Variants in PIK3AP1 observed in about 807,000 individuals in gnomAD.
PIK3AP1 encodes phosphoinositide-3-kinase adaptor protein 1, also known as phosphoinositide 3-kinase adapter protein 1.
In PIK3AP1, 21 loss-of-function variants were observed where a neutral mutation model predicts 88.1. That is an observed-to-expected ratio of 0.24 (90% CI 0.17 to 0.34). PIK3AP1 has a LOEUF of 0.34. Ranked by LOEUF, PIK3AP1 falls within the 10% of genes least tolerant of loss-of-function variation. The probability of loss-of-function intolerance (pLI) is 1.00; values close to 1 mark genes in which losing one functional copy is unlikely to be tolerated. For missense variants in PIK3AP1, 828 were observed against 1,035.7 expected, an observed-to-expected ratio of 0.80 and a Z score of 2.75; for synonymous variants, 398 against 400.0, an observed-to-expected ratio of 1.00 and a Z score of 0.06.
intron 8 of PIK3AP1, among the ~76,000 whole-genome samples, chr10:96,631,220 G>C (rs191198897): frequency 1.2e-4 from 19 of 152,142 alleles, no homozygotes; most frequent in Admixed American, 7.2e-4. Context: ...CCTTCTCCAG[G>C]GCATAGCAAC....
intron 7 of PIK3AP1, among the ~76,000 whole-genome samples, chr10:96,648,201 G>A (rs536386728): frequency 1.2e-4 from 19 of 152,328 alleles, no homozygotes; most frequent in Admixed American, 3.9e-4. Context: ...GCCTGAAGGC[G>A]GGTGAGGCAG....
chr10:96,606,949 A>G (rs1356207831), intron 14 of PIK3AP1, among the ~76,000 whole-genome samples: 1 of 152,238 alleles, frequency 6.6e-6, no homozygotes, highest in African/African-American at 2.4e-5. Context: ...AGAAAGAAAG[A>G]AAAAAGAAAC....
At chr10:96,635,596 A>G (rs1367770069) in intron 8 of PIK3AP1, among the ~76,000 whole-genome samples, 2 of 152,162 alleles carry the variant, frequency 1.3e-5, no homozygotes, top group Non-Finnish European at 2.9e-5. Context: ...CAGGCACTCA[A>G]TACTGGCCAA....
At chr10:96,604,391 T>G (rs1292854006) in intron 14 of PIK3AP1, among the ~76,000 whole-genome samples, 1 of 135,326 alleles carries the variant, frequency 7.4e-6, no homozygotes, top group African/African-American at 2.8e-5. Flanking sequence ...AGCAACAGGA[T>G]CTCACTCTGT....
chr10:96,620,916 G>A (rs1843071153), intron 11 of PIK3AP1: 1 of 224,646 alleles, frequency 4.5e-6, no homozygotes, highest in African/African-American at 2.3e-5. Context: ...TCTGCTTAGA[G>A]ACTCTGGTGT....
chr10:96,655,044 C>T (rs535973440), intron 3 of PIK3AP1, among the ~76,000 whole-genome samples: 2 of 152,252 alleles, frequency 1.3e-5, no homozygotes, highest in South Asian at 4.2e-4. Context: ...ATTTTTATGC[C>T]TAACTTTTTA....
rs767463653 is a variant in PIK3AP1, at chr10:96,616,699, G to A, written c.1954C>T (p.Arg652Trp). 20 of 1,614,008 alleles carry A rather than the reference G, an allele frequency of 1.2e-5. No homozygotes were observed. Among genetic ancestry groups the A allele is most frequent in the South Asian group, 3.3e-5 (3 of 91,072 alleles). ...SFRFQQENLKRLRDSITRRQR... is the reference protein window; with the variant it reads ...SFRFQQENLKWLRDSITRRQR... ...CTTCGGGTGATGCTGTCTCTTAGCCGTTTAAGATTTTCCTGGAAAAAAATT... is the reference window on the plus strand; with the variant it reads ...CTTCGGGTGATGCTGTCTCTTAGCCATTTAAGATTTTCCTGGAAAAAAATT... Residue 652 changes from arginine to tryptophan, a missense_variant, in exon 13 of 17, where the codon CGG (arginine) becomes TGG (tryptophan). Transcript: ENST00000339364.
At chr10:96,707,371 C>T (rs1844378042) in intron 2 of PIK3AP1, among the ~76,000 whole-genome samples, 1 of 152,220 alleles carries the variant, frequency 6.6e-6, no homozygotes, top group African/African-American at 2.4e-5. Context: ...CGGCTCACTG[C>T]AACCTCCGCC....
chr10:96,719,427 G>T (rs572200090), intron 1 of PIK3AP1, among the ~76,000 whole-genome samples: 10 of 152,098 alleles, frequency 6.6e-5, no homozygotes, highest in Non-Finnish European at 1.5e-4. Flanking sequence ...CATAAAGTGG[G>T]CTGGGAAAAT....
chr10:96,671,670 C>T (rs187118485), intron 2 of PIK3AP1, among the ~76,000 whole-genome samples: 170 of 151,080 alleles, frequency 1.1e-3, no homozygotes, highest in Non-Finnish European at 1.8e-3. Flanking sequence ...TCATCACCGT[C>T]GTCATCATCA....
At chr10:96,714,528 C>T (rs1436892181) in intron 1 of PIK3AP1, among the ~76,000 whole-genome samples, 1 of 152,186 alleles carries the variant, frequency 6.6e-6, no homozygotes, top group Non-Finnish European at 1.5e-5. Context: ...TAAAATACAT[C>T]TAGTGCCATG....
chr10:96,633,163 T>C (rs1843269856), intron 8 of PIK3AP1: 2 of 1,305,630 alleles, frequency 1.5e-6, no homozygotes, highest in Non-Finnish European at 2.1e-6. Context: ...GCCCAAAGAA[T>C]GCTGTCCCTT....
At chr10:96,671,698 C>A (rs867680057) in intron 2 of PIK3AP1, among the ~76,000 whole-genome samples, 1 of 152,040 alleles carries the variant, frequency 6.6e-6, no homozygotes, top group South Asian at 2.1e-4. Context: ...CCTCATGATG[C>A]CAAAAAGATA....
intron 2 of PIK3AP1, among the ~76,000 whole-genome samples, chr10:96,672,287 C>T (rs969372803): frequency 6.6e-6 from 1 of 152,156 alleles, no homozygotes; most frequent in South Asian, 2.1e-4. Context: ...CACTGCACAT[C>T]GGTGAATTTG....
intron 2 of PIK3AP1, among the ~76,000 whole-genome samples, chr10:96,703,689 CA>C (rs1408779098): frequency 1.3e-5 from 2 of 152,148 alleles, no homozygotes; most frequent in African/African-American, 4.8e-5. Flanking sequence ...CCAACAAGTC[CA>C]AAAAGTCAGA....
chr10:96,598,865 A>G (rs1374924725), intron 16 of PIK3AP1, among the ~76,000 whole-genome samples: 1 of 152,244 alleles, frequency 6.6e-6, no homozygotes, highest in Non-Finnish European at 1.5e-5. Flanking sequence ...GGCAGAGCTC[A>G]CTGGGAATGC....
intron 16 of PIK3AP1, among the ~76,000 whole-genome samples, chr10:96,597,878 C>T (rs1229839713): frequency 3.9e-5 from 6 of 152,164 alleles, no homozygotes; most frequent in Admixed American, 3.9e-4. Context: ...GCCCCTCTTC[C>T]GCTTTCTGCT....
At chr10:96,688,680 C>T (rs1358750314) in intron 2 of PIK3AP1, among the ~76,000 whole-genome samples, 2 of 152,022 alleles carry the variant, frequency 1.3e-5, no homozygotes, top group Non-Finnish European at 2.9e-5. Flanking sequence ...TGCCTGTAGT[C>T]CCAGCTACTC....
rs1554958495 is a variant in PIK3AP1 at position 96,653,415 on chromosome 10, A to AAC, written c.568-574_568-573insGT. ...GGCAAGGCTCTGTCTCAAAAAAAAA[A>AAC]AAAAACACACACACACACAAAACAA... is the stretch of plus-strand genomic sequence containing the variant. On this transcript the variant is annotated intron_variant, in intron 3 of 16. Transcript: ENST00000339364. 2.0e-5 allele frequency among the ~76,000 whole-genome samples: 3 copies of AAC among 149,702 alleles called. No individual in the cohort carries two copies. In the Admixed American group the frequency reaches 2.1e-4, roughly 10 times the overall value.
Sources: gnomAD v4.1 joint callset for allele counts (sites outside exome capture counted in the v4.1 genomes callset) on GRCh38, gnomAD v4.1.1 for gene constraint, MANE v1.5 for transcripts, NCBI Gene and HGNC (gene_info 2026-07-23, HGNC 2026-07-21) for gene names.